Variants in AP3B1 observed in about 807,000 individuals in gnomAD.
AP3B1 encodes adaptor related protein complex 3 subunit beta 1, also known as AP-3 complex subunit beta-1.
AP3B1 carries 61 observed loss-of-function variants against 132.5 expected under a neutral mutation model. That is an observed-to-expected ratio of 0.46 (90% CI 0.37 to 0.57). AP3B1 has a LOEUF of 0.57. Ranked by LOEUF, AP3B1 falls within the 20% of genes least tolerant of loss-of-function variation. The pLI is 0.00. For missense variants in AP3B1, 1,120 were observed against 1,289.4 expected, an observed-to-expected ratio of 0.87 and a Z score of 2.01; for synonymous variants, 388 against 438.3, an observed-to-expected ratio of 0.89 and a Z score of 1.43.
At chr5:78,032,020 G>T (rs1000137410) in intron 24 of AP3B1, among the ~76,000 whole-genome samples, 1 of 151,996 alleles carries the variant, frequency 6.6e-6, no homozygotes, top group Non-Finnish European at 1.5e-5. Context: ...TATGTATATT[G>T]CGCACATATT....
At chr5:78,009,031 A>G (rs1237548412) in intron 26 of AP3B1, among the ~76,000 whole-genome samples, 1 of 152,192 alleles carries the variant, frequency 6.6e-6, no homozygotes, top group African/African-American at 2.4e-5. Context: ...AAAAATACTA[A>G]GTGAAGGAGC....
chr5:78,200,201 C>T (rs1327069143), intron 7 of AP3B1, among the ~76,000 whole-genome samples: 1 of 151,834 alleles, frequency 6.6e-6, no homozygotes, highest in Non-Finnish European at 1.5e-5. Flanking sequence ...ATCATTCAAA[C>T]ATAAATGGGT....
intron 26 of AP3B1, among the ~76,000 whole-genome samples, chr5:78,008,321 T>C (rs1323077095): frequency 6.6e-6 from 1 of 152,228 alleles, no homozygotes; most frequent in African/African-American, 2.4e-5. Flanking sequence ...GTGAAACAGT[T>C]ACAGATTCCC....
intron 22 of AP3B1, among the ~76,000 whole-genome samples, chr5:78,085,659 T>C (rs1400872261): frequency 2.0e-5 from 3 of 152,174 alleles, no homozygotes; most frequent in South Asian, 4.1e-4. Flanking sequence ...TAAAAAGTTA[T>C]CATTATATTA....
rs1208555114 is a variant in AP3B1 at position 78,181,497 on chromosome 5, T to C, written c.942+10A>G. On this transcript the variant is annotated intron_variant, in intron 8 of 26. Transcript: ENST00000255194. ...CCAGTGAATTATTTCTTATAAGGAT[T>C]TTAACATACCGCAGCATTCCTGCTC... The C allele has an allele frequency of 2.5e-6, 4 of 1,611,138 alleles. No homozygotes were observed. In the Admixed American group the frequency reaches 6.7e-5, roughly 27 times the overall value.
intron 7 of AP3B1, among the ~76,000 whole-genome samples, chr5:78,191,033 A>C (rs1580465143): frequency 2.0e-5 from 3 of 152,356 alleles, no homozygotes; most frequent in Admixed American, 2.0e-4. Flanking sequence ...AAACAACTTC[A>C]ATCAATGCTA....
At chr5:78,089,962 C>G (rs748153698) in intron 21 of AP3B1, among the ~76,000 whole-genome samples, 4 of 152,138 alleles carry the variant, frequency 2.6e-5, no homozygotes, top group Non-Finnish European at 5.9e-5. Context: ...TGTAATTATA[C>G]TTTTTCAGCA....
At chr5:78,098,021 C>G (rs964258338) in intron 21 of AP3B1, among the ~76,000 whole-genome samples, 2 of 152,024 alleles carry the variant, frequency 1.3e-5, no homozygotes, top group African/African-American at 4.8e-5. Flanking sequence ...TGTGTCCACT[C>G]AGGGTTAAAT....
At chr5:78,025,502 C>G (rs1183653784) in intron 24 of AP3B1, among the ~76,000 whole-genome samples, 2 of 152,150 alleles carry the variant, frequency 1.3e-5, no homozygotes, top group Non-Finnish European at 1.5e-5. Flanking sequence ...CAGTTATGAC[C>G]AATGAATTAT....
intron 22 of AP3B1, among the ~76,000 whole-genome samples, chr5:78,067,278 C>G (rs1182947019): frequency 6.6e-6 from 1 of 152,196 alleles, no homozygotes; most frequent in Non-Finnish European, 1.5e-5. Context: ...AACAAGCTCT[C>G]AGAACCTACA....
chr5:78,101,079 G>T (rs935865114), intron 20 of AP3B1, 54 bp from the exon 21 acceptor site: 3 of 1,123,294 alleles, frequency 2.7e-6, no homozygotes, highest in South Asian at 2.7e-5. Context: ...AAAATCTGTG[G>T]AGTAGTCCTT....
At chr5:78,030,776 C>T (rs1012924801) in intron 24 of AP3B1, among the ~76,000 whole-genome samples, 1 of 152,028 alleles carries the variant, frequency 6.6e-6, no homozygotes, top group African/African-American at 2.4e-5. Context: ...TCCTGGGTTC[C>T]AGTGATCCTC....
intron 1 of AP3B1, among the ~76,000 whole-genome samples, chr5:78,268,666 A>C (rs751603924): frequency 6.6e-6 from 1 of 152,170 alleles, no homozygotes; most frequent in African/African-American, 2.4e-5. Context: ...TGCTCATCTA[A>C]AGCCCAAATT....
intron 24 of AP3B1, among the ~76,000 whole-genome samples, chr5:78,025,107 A>G (rs1747285829): frequency 6.6e-6 from 1 of 152,234 alleles, no homozygotes; most frequent in African/African-American, 2.4e-5. Context: ...TCTACAGAGT[A>G]CATACTCAAA....
At chr5:78,280,357 G>T (rs928543225) in intron 1 of AP3B1, among the ~76,000 whole-genome samples, 1 of 152,070 alleles carries the variant, frequency 6.6e-6, no homozygotes, top group Admixed American at 6.6e-5. Flanking sequence ...ACTGTATTTG[G>T]TTAACATTAT....
At chr5:78,170,036 T>A (rs1743843740) in intron 11 of AP3B1, among the ~76,000 whole-genome samples, 2 of 152,192 alleles carry the variant, frequency 1.3e-5, no homozygotes, top group African/African-American at 4.8e-5. Flanking sequence ...GACAGTTTGC[T>A]GAGAATGACG....
At chr5:78,238,102 C>T (rs959988242) in intron 3 of AP3B1, among the ~76,000 whole-genome samples, 1 of 152,214 alleles carries the variant, frequency 6.6e-6, no homozygotes, top group Non-Finnish European at 1.5e-5. Context: ...TCTGTATTTA[C>T]AGCTGCTCTT....
chr5:78,114,264 T>C (rs943999082), intron 18 of AP3B1, among the ~76,000 whole-genome samples: 2 of 152,110 alleles, frequency 1.3e-5, no homozygotes. Flanking sequence ...ACGTAAGGAT[T>C]GATGTAAGGC....
chr5:78,228,109 C>G, intron 4 of AP3B1, 35 bp downstream of exon 4: 1 of 1,416,174 alleles, frequency 7.1e-7, no homozygotes, highest in East Asian at 2.3e-5. Context: ...CTGCAGAAAC[C>G]TTGTAGCTAT....
Sources: gnomAD v4.1 joint callset for allele counts (sites outside exome capture counted in the v4.1 genomes callset) on GRCh38, gnomAD v4.1.1 for gene constraint, MANE v1.5 for transcripts, NCBI Gene and HGNC (gene_info 2026-07-23, HGNC 2026-07-21) for gene names.